RICTOR: variants seen among roughly 807,000 people sequenced by gnomAD.
The protein encoded by RICTOR is RPTOR independent companion of MTOR complex 2, also known as rapamycin-insensitive companion of mTOR.
In RICTOR, 49 loss-of-function variants were observed where a neutral mutation model predicts 214.9. The ratio of observed to expected loss-of-function variants is 0.23; its 90% confidence interval spans 0.18 to 0.29. RICTOR has a LOEUF of 0.29. Among genes scored for constraint, RICTOR ranks in the 10% least tolerant of loss-of-function variants. The pLI is 1.00. For missense variants in RICTOR, 1,625 were observed against 2,047.0 expected (o/e 0.79, Z 3.98); for synonymous variants, 717 against 711.3 (o/e 1.01, Z -0.13).
At chr5:39,056,731 T>C (rs1758232716) in intron 2 of RICTOR, among the ~76,000 whole-genome samples, 1 of 150,944 alleles carries the variant, frequency 6.6e-6, no homozygotes, top group Non-Finnish European at 1.5e-5. Context: ...GCCTCAGTGA[T>C]GATAAGGTGA....
At chr5:38,942,691 A>G (rs1747718870) in intron 37 of RICTOR, 142 bp downstream of exon 37, 2 of 630,682 alleles carry the variant, frequency 3.2e-6, no homozygotes, top group Non-Finnish European at 5.4e-6. Flanking sequence ...CCTGGGCTCA[A>G]GCAATTCTCC....
chr5:39,057,450 G>C (rs1252864417), intron 2 of RICTOR, among the ~76,000 whole-genome samples: 1 of 152,004 alleles, frequency 6.6e-6, no homozygotes, highest in Non-Finnish European at 1.5e-5. Context: ...TATCACTTTA[G>C]ACAAAGTTCA....
chr5:38,944,670 T>C (rs745789836), intron 35 of RICTOR, 101 bp from the exon 36 acceptor site: 2 of 1,057,966 alleles, frequency 1.9e-6, no homozygotes, highest in Non-Finnish European at 2.7e-6. Context: ...GACCTAGAGA[T>C]CAATTACACA....
intron 16 of RICTOR, among the ~76,000 whole-genome samples, chr5:38,964,515 C>T (rs570354454): frequency 1.1e-4 from 17 of 151,720 alleles, no homozygotes; most frequent in African/African-American, 3.9e-4. Flanking sequence ...AGTCCAAAAA[C>T]CTCTCAGCTA....
At chr5:39,071,275 T>C (rs1165620940) in intron 2 of RICTOR, among the ~76,000 whole-genome samples, 1 of 152,198 alleles carries the variant, frequency 6.6e-6, no homozygotes, top group East Asian at 1.9e-4. Flanking sequence ...ATGTCACAGA[T>C]TGCTTTACAA....
At chr5:39,050,261 G>A (rs1757753395) in intron 2 of RICTOR, among the ~76,000 whole-genome samples, 1 of 151,756 alleles carries the variant, frequency 6.6e-6, no homozygotes, top group South Asian at 2.1e-4. Flanking sequence ...CTAAGTATCT[G>A]TAAAACAATC....
At chr5:39,024,699 T>C (rs1755677637) in intron 2 of RICTOR, among the ~76,000 whole-genome samples, 1 of 152,202 alleles carries the variant, frequency 6.6e-6, no homozygotes, top group Non-Finnish European at 1.5e-5. Context: ...CGTGACAATA[T>C]AGTTACTGCT....
rs751134161 is a variant in RICTOR at position 38,960,491 on chromosome 5, T to C, written c.1758A>G (p.Lys586=). Residue 586 remains lysine, a synonymous_variant, in exon 20 of 38, where the codon AAA becomes AAG. Coordinates refer to ENST00000357387, the MANE Select transcript of RICTOR (RefSeq NM_152756.5). ...RLLYFYKPSS[K]LYANLDLDFA... ...AATCCAGATCCAGGTTGGCATATAA[T>C]TTACTGCTGGGCTTGTAAAAATAAA... is the stretch of plus-strand genomic sequence containing the variant. 3 of 1,613,840 alleles carry C rather than the reference T, an allele frequency of 1.9e-6. No homozygotes were observed. In the East Asian group the frequency reaches 6.7e-5, roughly 36 times the overall value.
intron 3 of RICTOR, among the ~76,000 whole-genome samples, chr5:39,010,205 A>T (rs897691322): frequency 2.0e-5 from 3 of 152,116 alleles, no homozygotes; most frequent in Non-Finnish European, 2.9e-5. Context: ...GTTTTATGAG[A>T]GGCTTCCCCC....
At chr5:38,974,311 G>A (rs1341944353) in intron 10 of RICTOR, among the ~76,000 whole-genome samples, 5 of 150,070 alleles carry the variant, frequency 3.3e-5, no homozygotes, top group South Asian at 2.1e-4. Context: ...TAGCATGAGC[G>A]ACTGCACCCA....
At chr5:39,047,001 G>A (rs755086685) in intron 2 of RICTOR, among the ~76,000 whole-genome samples, 1 of 152,078 alleles carries the variant, frequency 6.6e-6, no homozygotes, top group Non-Finnish European at 1.5e-5. Context: ...ACCTCAGTCT[G>A]TATGTTTTGT....
Position 38,950,293 on chromosome 5 carries a change from G to T in RICTOR, c.3555C>A (p.Phe1185Leu). The T allele has an allele frequency of 6.2e-7, 1 of 1,613,446 alleles. No individual in the cohort carries two copies. The change falls in exon 31 of 38, where the codon TTC becomes TTA. Residue 1185 changes from phenylalanine (F) to leucine (L), a missense_variant. By Grantham distance (22) the Phe-to-Leu change is conservative (BLOSUM62 0). Around this residue, in one of 5 missense-constraint regions of RICTOR, gnomAD observed 1,214 missense variants for 1,470.5 expected, o/e 0.83. Transcript: ENST00000357387. Reference protein sequence around the residue: ...TPSIGENDLKFTKNFGTENHR... With the variant: ...TPSIGENDLKLTKNFGTENHR... Reference sequence around the variant, plus strand: ...GATTCTCTGTACCAAAATTCTTGGTGAATTTTAAGTCATTTTCTCCAATGC... The same window carrying T: ...GATTCTCTGTACCAAAATTCTTGGTTAATTTTAAGTCATTTTCTCCAATGC...
At chr5:39,047,813 G>T (rs1757596123) in intron 2 of RICTOR, among the ~76,000 whole-genome samples, 1 of 152,132 alleles carries the variant, frequency 6.6e-6, no homozygotes, top group African/African-American at 2.4e-5. Context: ...CTATGGACCT[G>T]TACAATTAAT....
intron 2 of RICTOR, among the ~76,000 whole-genome samples, chr5:39,068,759 CAG>C (rs1667036208): frequency 6.6e-6 from 1 of 152,166 alleles, no homozygotes; most frequent in East Asian, 1.9e-4. Flanking sequence ...AGAAGCTAAT[CAG>C]AGGAGTTTAG....
chr5:39,002,975 G>C (rs1325180402), intron 4 of RICTOR, among the ~76,000 whole-genome samples: 1 of 151,842 alleles, frequency 6.6e-6, no homozygotes, highest in Non-Finnish European at 1.5e-5. Context: ...ATAAACAATG[G>C]TACAGCCTTT....
At position 38,939,021 on chromosome 5, in the gene RICTOR, G is replaced by C. The variant is rs1353453731; in HGVS notation, c.*3283C>G. 4.3e-6 allele frequency: 1 copy of C among 232,896 alleles called. No homozygotes were observed. The allele number at this position is 232,896 out of a possible 1,614,324, so 14.4% of individuals were successfully genotyped here. ...CTTCCAAAGAACATTTCCCAAAGTAGTTTACAAAGTTCATCTCACACAAAA... is the reference window on the plus strand; with the variant it reads ...CTTCCAAAGAACATTTCCCAAAGTACTTTACAAAGTTCATCTCACACAAAA... On this transcript the variant is annotated 3_prime_UTR_variant, in exon 38 of 38. Coordinates refer to ENST00000357387, the MANE Select transcript of RICTOR (RefSeq NM_152756.5).
At chr5:38,953,146 T>C in intron 28 of RICTOR, 55 bp from the exon 29 acceptor site, 1 of 1,268,886 alleles carries the variant, frequency 7.9e-7, no homozygotes, top group Non-Finnish European at 1.1e-6. Context: ...TTCAAAAGAT[T>C]TGGAAAGCTA....
At chr5:38,993,746 T>C (rs768945352) in intron 6 of RICTOR, among the ~76,000 whole-genome samples, 1 of 152,076 alleles carries the variant, frequency 6.6e-6, no homozygotes, top group Admixed American at 6.5e-5. Context: ...GCATCCCTAA[T>C]CCAAAAATCC....
intron 36 of RICTOR, 152 bp downstream of exon 36, chr5:38,944,294 A>T: frequency 1.3e-6 from 1 of 763,798 alleles, no homozygotes; most frequent in South Asian, 1.4e-5. Context: ...TGGCTGAAGT[A>T]TTAAAGAAAA....
Sources: gnomAD v4.1 joint callset for allele counts (sites outside exome capture counted in the v4.1 genomes callset) on GRCh38, gnomAD v4.1.1 for gene constraint, gnomAD v4.1.1 regional missense constraint, MANE v1.5 for transcripts, NCBI Gene and HGNC (gene_info 2026-07-23, HGNC 2026-07-21) for gene names.